Variants in ACAT1 observed in about 807,000 individuals in gnomAD.
The protein encoded by ACAT1 is acetyl-CoA acetyltransferase 1.
ACAT1 carries 28 observed loss-of-function variants against 47.3 expected under a neutral mutation model. The ratio of observed to expected loss-of-function variants is 0.59; its 90% CI spans 0.44 to 0.81. The LOEUF (loss-of-function observed/expected upper bound fraction) is 0.81, where lower values mean the gene tolerates loss of function less well. Among genes scored for constraint, ACAT1 ranks in the 30% least tolerant of loss-of-function variants. The pLI, the probability that ACAT1 is intolerant of heterozygous loss-of-function variation, is 0.00. For missense variants in ACAT1, 469 were observed against 524.3 expected, an observed-to-expected ratio of 0.89 and a Z score of 1.03; for synonymous variants, 181 against 173.6, an observed-to-expected ratio of 1.04 and a Z score of -0.34.
chr11:108,119,994 A>G (rs1478645531), upstream of ACAT1, among the ~76,000 whole-genome samples: 2 of 152,072 alleles, frequency 1.3e-5, no homozygotes, highest in East Asian at 3.8e-4. Flanking sequence ...GTGGGGGCGG[A>G]TTGCGTGAGC....
At chr11:108,120,190 CA>C (rs879516044), upstream of ACAT1, among the ~76,000 whole-genome samples, 52 of 146,156 alleles carry the variant, frequency 3.6e-4, no homozygotes, top group Middle Eastern at 6.9e-3. Flanking sequence ...GAGACTGTCT[CA>C]AAAAAAAAAA....
chr11:108,144,213 AC>A, intron 10 of ACAT1, 166 bp downstream of exon 10: 1 of 696,942 alleles, frequency 1.4e-6, no homozygotes, highest in African/African-American at 1.8e-5. Context: ...AACAAGGATA[AC>A]AAACAAAAAA....
intron 2 of ACAT1, among the ~76,000 whole-genome samples, chr11:108,133,261 T>A (rs931283533): frequency 3.3e-5 from 5 of 152,106 alleles, no homozygotes; most frequent in Admixed American, 3.3e-4. Flanking sequence ...AGGATACAGG[T>A]CTTGATTCCT....
At position 108,142,556 on chromosome 11, in the gene ACAT1, G is replaced by C; in HGVS notation, c.940+6G>C. On this transcript the variant is annotated splice_donor_region_variant and intron_variant, in intron 9 of 11. Coordinates refer to ENST00000265838, the MANE Select transcript of ACAT1 (RefSeq NM_000019.4). Reference sequence around the variant, plus strand: ...ACCACTGGCAAGAATAGTAGGTAAGGCCAGGCGAGGTGGCTCACACCTGTA... The same window carrying C: ...ACCACTGGCAAGAATAGTAGGTAAGCCCAGGCGAGGTGGCTCACACCTGTA... 1 of 1,611,162 alleles carries C rather than the reference G, an allele frequency of 6.2e-7. No individual in the cohort carries two copies. The highest frequency in any genetic ancestry group is 1.7e-5 in the Admixed American group (1 of 60,010).
intron 6 of ACAT1, among the ~76,000 whole-genome samples, chr11:108,139,833 A>C (rs1413555787): frequency 2.0e-5 from 3 of 151,748 alleles, no homozygotes; most frequent in African/African-American, 4.8e-5. Context: ...GCTAATTTTT[A>C]GTAGAGACGG....
chr11:108,129,421 T>C (rs966384007), intron 1 of ACAT1, among the ~76,000 whole-genome samples: 4 of 152,154 alleles, frequency 2.6e-5, no homozygotes, highest in South Asian at 2.1e-4. Context: ...CAGGCTGGAA[T>C]GCAGTGGCGT....
chr11:108,120,368 G>A (rs2077126423), upstream of ACAT1, among the ~76,000 whole-genome samples: 1 of 151,954 alleles, frequency 6.6e-6, no homozygotes, highest in Admixed American at 6.6e-5. Context: ...GCATGGTGGA[G>A]CATGCCTGTA....
At chr11:108,147,207 A>C in intron 11 of ACAT1, 63 bp from the exon 12 acceptor site, 1 of 1,587,916 alleles carries the variant, frequency 6.3e-7, no homozygotes, top group South Asian at 1.1e-5. Context: ...TTGGAATAGA[A>C]ACATTTTGGT....
intron 6 of ACAT1, 190 bp downstream of exon 6, chr11:108,139,231 A>C (rs1242329625): frequency 1.5e-6 from 1 of 688,234 alleles, no homozygotes; most frequent in Non-Finnish European, 2.4e-6. Context: ...AAATTTTCCC[A>C]CATTTAAATA....
chr11:108,134,590 A>ATC (rs1230242016), intron 4 of ACAT1: 2 of 216,792 alleles, frequency 9.2e-6, no homozygotes, highest in Non-Finnish European at 8.9e-6. Flanking sequence ...GTGAGCCAAG[A>ATC]TTGCACCATT....
At chr11:108,127,232 A>G (rs1386625005) in intron 1 of ACAT1, among the ~76,000 whole-genome samples, 1 of 150,140 alleles carries the variant, frequency 6.7e-6, no homozygotes, top group African/African-American at 2.5e-5. Context: ...AGGGTTGGAG[A>G]TAGAAATTTG....
At chr11:108,144,299 G>A (rs1202330946) in intron 10 of ACAT1, 2 of 512,664 alleles carry the variant, frequency 3.9e-6, no homozygotes, top group East Asian at 3.5e-5. Context: ...TTACTTGTAA[G>A]TATCATACAG....
At chr11:108,119,531 C>G (rs2077114958), upstream of ACAT1, among the ~76,000 whole-genome samples, 1 of 152,080 alleles carries the variant, frequency 6.6e-6, no homozygotes, top group Admixed American at 6.6e-5. Flanking sequence ...TGTGTGATAC[C>G]CTAGTCATCA....
upstream of ACAT1, among the ~76,000 whole-genome samples, chr11:108,116,823 T>C (rs1369964788): frequency 6.6e-6 from 1 of 152,090 alleles, no homozygotes; most frequent in Non-Finnish European, 1.5e-5. Context: ...GAGAGAGGCA[T>C]GGAACAGACT....
At position 108,141,935 on chromosome 11, in the gene ACAT1, A is replaced by G. The variant is rs183001534; in HGVS notation, c.826+235A>G. On this transcript the variant is annotated intron_variant, in intron 8 of 11. Transcript: ENST00000265838. ...TTCAGTTTTTCATATGTAGCAGTCT[A>G]TGATAGGGTCTTCATTGGCATTGAA... Among the ~76,000 whole-genome samples the G allele has an allele frequency of 3.2e-3, 483 of 152,346 alleles. 1 individual carries two copies. Among genetic ancestry groups the G allele is most frequent in the Non-Finnish European group, 5.7e-3 (387 of 68,024 alleles).
At chr11:108,124,960 G>A (rs926189727) in intron 1 of ACAT1, among the ~76,000 whole-genome samples, 12 of 152,136 alleles carry the variant, frequency 7.9e-5, no homozygotes, top group African/African-American at 2.4e-4. Flanking sequence ...TAGGCCGTCA[G>A]TTACTCTCTA....
rs1225492632 is a variant in ACAT1 at position 108,147,403 on chromosome 11, A to T, written c.*13A>T. 1 of 1,613,136 alleles carries T rather than the reference A, an allele frequency of 6.2e-7. No individual in the cohort carries two copies. Among genetic ancestry groups the T allele is most frequent in the South Asian group, 1.1e-5 (1 of 91,070 alleles). On this transcript the variant is annotated 3_prime_UTR_variant, in exon 12 of 12. Coordinates refer to ENST00000265838, the MANE Select transcript of ACAT1 (RefSeq NM_000019.4). ...TCAGAAGCTGTAGACAACCTCTGCT[A>T]TTTAAGGAGACAACCCTATGTGACC... is the stretch of plus-strand genomic sequence containing the variant.
intron 5 of ACAT1, among the ~76,000 whole-genome samples, chr11:108,137,382 A>T (rs2077487965): frequency 6.6e-6 from 1 of 152,140 alleles, no homozygotes; most frequent in Admixed American, 6.6e-5. Context: ...GATACTGTAA[A>T]GGCTTTATAT....
chr11:108,116,796 C>CA (rs1317892169), upstream of ACAT1, among the ~76,000 whole-genome samples: 1 of 152,122 alleles, frequency 6.6e-6, no homozygotes, highest in African/African-American at 2.4e-5. Flanking sequence ...GGATTTCCAA[C>CA]AACCACCACG....
Sources: allele counts gnomAD v4.1 joint callset (sites outside exome capture counted in the v4.1 genomes callset), GRCh38; gene constraint gnomAD v4.1.1; transcripts MANE v1.5; gene names NCBI Gene and HGNC (gene_info 2026-07-23, HGNC 2026-07-21).